Variants in ANKS1B observed in about 807,000 individuals in gnomAD.
ANKS1B encodes the protein ankyrin repeat and sterile alpha motif domain containing 1B, also known as ankyrin repeat and sterile alpha motif domain-containing protein 1B.
A neutral mutation model predicts 148.3 loss-of-function variants in ANKS1B; 36 were observed. That is an observed-to-expected ratio of 0.24 (90% CI 0.19 to 0.32). The LOEUF (loss-of-function observed/expected upper bound fraction) is 0.32, where lower values mean the gene tolerates loss of function less well. Ranked by LOEUF, ANKS1B falls within the 10% of genes least tolerant of loss-of-function variation. The pLI, the probability that ANKS1B is intolerant of heterozygous loss-of-function variation, is 1.00. For synonymous variants in ANKS1B, 542 were observed against 560.8 expected (o/e 0.97, Z 0.47); for missense variants, 1,157 against 1,542.6 (o/e 0.75, Z 4.19).
rs192062372 is a variant in ANKS1B, at chr12:99,672,552, G to T, written c.1129-17342C>A. On this transcript the variant is annotated intron_variant, in intron 8 of 26. Transcript: ENST00000683438. ...CTGCAGCTAATAACTGGTTGAAGAA[G>T]TGCAGCTACCTCCTCCAAACTGAGA... 1.7e-3 allele frequency among the ~76,000 whole-genome samples: 252 copies of T among 152,228 alleles called. 1 individual carries two copies. The highest frequency in any genetic ancestry group is 5.9e-3 in the African/African-American group (244 of 41,552).
chr12:98,759,209 C>G (rs1325963050), intron 25 of ANKS1B, among the ~76,000 whole-genome samples: 1 of 152,162 alleles, frequency 6.6e-6, no homozygotes, highest in Non-Finnish European at 1.5e-5. Context: ...TGAAGATATG[C>G]AGGTCAGCTT....
chr12:99,850,863 C>G (rs1305381375), intron 1 of ANKS1B, among the ~76,000 whole-genome samples: 1 of 151,966 alleles, frequency 6.6e-6, no homozygotes, highest in Non-Finnish European at 1.5e-5. Flanking sequence ...TTTCTCACAA[C>G]TAGAAGAAAT....
At chr12:98,925,810 A>G (rs1428243959) in intron 17 of ANKS1B, among the ~76,000 whole-genome samples, 1 of 152,190 alleles carries the variant, frequency 6.6e-6, no homozygotes, top group Non-Finnish European at 1.5e-5. Context: ...TTCCTTAAGA[A>G]AGCTCCATTC....
chr12:99,833,044 C>A (rs936578238), intron 1 of ANKS1B, among the ~76,000 whole-genome samples: 1 of 152,104 alleles, frequency 6.6e-6, no homozygotes, highest in South Asian at 2.1e-4. Context: ...TTACTATTCC[C>A]ATTGTATAGA....
intron 25 of ANKS1B, among the ~76,000 whole-genome samples, chr12:98,752,638 C>T (rs773856366): frequency 4.6e-5 from 7 of 152,176 alleles, no homozygotes; most frequent in Non-Finnish European, 1.0e-4. Flanking sequence ...TGATAGGGCA[C>T]TCTTGCTTAC....
intron 9 of ANKS1B, among the ~76,000 whole-genome samples, chr12:99,542,927 G>A (rs1206828229): frequency 6.6e-6 from 1 of 152,008 alleles, no homozygotes; most frequent in Non-Finnish European, 1.5e-5. Flanking sequence ...CTTGGATAGG[G>A]TAATGGTTTC....
intron 1 of ANKS1B, among the ~76,000 whole-genome samples, chr12:99,837,570 C>A (rs1337257347): frequency 6.6e-6 from 1 of 152,114 alleles, no homozygotes; most frequent in Admixed American, 6.5e-5. Flanking sequence ...TTCATAACAA[C>A]CATGTGAGAC....
At chr12:99,508,059 G>T (rs772224285) in intron 9 of ANKS1B, among the ~76,000 whole-genome samples, 1 of 151,708 alleles carries the variant, frequency 6.6e-6, no homozygotes, top group Non-Finnish European at 1.5e-5. Context: ...AGTACTGTAT[G>T]CTTTCAAACT....
intron 9 of ANKS1B, among the ~76,000 whole-genome samples, chr12:99,651,739 C>T (rs566270853): frequency 6.6e-6 from 1 of 152,120 alleles, no homozygotes; most frequent in South Asian, 2.1e-4. Flanking sequence ...TATCCTGTTA[C>T]CTCATCTCTT....
intron 12 of ANKS1B, among the ~76,000 whole-genome samples, chr12:99,275,103 G>C (rs1248769563): frequency 6.6e-6 from 1 of 152,214 alleles, no homozygotes; most frequent in Non-Finnish European, 1.5e-5. Context: ...TGGAGTAAAT[G>C]AAACATTGTG....
intron 10 of ANKS1B, among the ~76,000 whole-genome samples, chr12:99,471,203 G>T (rs2096236448): frequency 1.3e-5 from 2 of 151,766 alleles, no homozygotes; most frequent in South Asian, 4.2e-4. Flanking sequence ...TTCATTCTAA[G>T]CTTTCCAGGT....
intron 10 of ANKS1B, among the ~76,000 whole-genome samples, chr12:99,464,109 T>C (rs567144192): frequency 6.6e-6 from 1 of 152,206 alleles, no homozygotes; most frequent in East Asian, 1.9e-4. Context: ...AGAGGAACGA[T>C]CAGACAGCAG....
intron 1 of ANKS1B, among the ~76,000 whole-genome samples, chr12:99,826,955 AAAG>A (rs1289032315): frequency 6.6e-6 from 1 of 151,936 alleles, no homozygotes; most frequent in Non-Finnish European, 1.5e-5. Flanking sequence ...TGCTAAAAAT[AAAG>A]AATAAAAAAA....
At chr12:99,363,966 A>G (rs1341372555) in intron 12 of ANKS1B, among the ~76,000 whole-genome samples, 1 of 152,110 alleles carries the variant, frequency 6.6e-6, no homozygotes, top group African/African-American at 2.4e-5. Context: ...CATGTTTCCA[A>G]ATAGATACAA....
At chr12:99,407,221 A>G (rs2094551855) in intron 11 of ANKS1B, among the ~76,000 whole-genome samples, 1 of 146,310 alleles carries the variant, frequency 6.8e-6, no homozygotes, top group Non-Finnish European at 1.5e-5. Context: ...AGGATGGTTC[A>G]ACTTATGTAA....
chr12:99,429,432 T>C (rs2095325836), intron 11 of ANKS1B, among the ~76,000 whole-genome samples: 1 of 152,210 alleles, frequency 6.6e-6, no homozygotes, highest in Non-Finnish European at 1.5e-5. Flanking sequence ...AAATTTGTGA[T>C]TGCTTTTAAA....
intron 11 of ANKS1B, among the ~76,000 whole-genome samples, chr12:99,440,686 G>C (rs921955966): frequency 6.6e-6 from 1 of 151,840 alleles, no homozygotes; most frequent in Non-Finnish European, 1.5e-5. Context: ...GCACTGGGAA[G>C]CCGGCAGCTT....
intron 1 of ANKS1B, among the ~76,000 whole-genome samples, chr12:99,840,573 G>GA (rs528258223): frequency 1.7e-4 from 26 of 152,042 alleles, no homozygotes; most frequent in Admixed American, 1.1e-3. Flanking sequence ...CATGTAGAGG[G>GA]AAAAAATGCT....
At chr12:98,991,321 T>C (rs2099926473) in intron 17 of ANKS1B, among the ~76,000 whole-genome samples, 1 of 152,224 alleles carries the variant, frequency 6.6e-6, no homozygotes, top group Non-Finnish European at 1.5e-5. Context: ...GCTGTTTGCA[T>C]ATAGGGTACA....
Sources: allele counts gnomAD v4.1 joint callset (sites outside exome capture counted in the v4.1 genomes callset), GRCh38; gene constraint gnomAD v4.1.1; transcripts MANE v1.5; gene names NCBI Gene and HGNC (gene_info 2026-07-23, HGNC 2026-07-21).